ABCC6: variants seen among roughly 807,000 people sequenced by gnomAD.
ABCC6 encodes the protein ATP-binding cassette sub-family C member 6.
ABCC6 carries 126 observed loss-of-function variants against 169.5 expected under a neutral mutation model. That is an observed-to-expected ratio of 0.74 (90% confidence interval 0.64 to 0.86). The LOEUF (loss-of-function observed/expected upper bound fraction) is 0.86, where lower values mean the gene tolerates loss of function less well. Among genes scored for constraint, ABCC6 ranks in the 40% least tolerant of loss-of-function variants. The pLI, the probability that ABCC6 is intolerant of heterozygous loss-of-function variation, is 0.00. For synonymous variants in ABCC6, 752 were observed against 814.7 expected, an observed-to-expected ratio of 0.92 and a Z score of 1.31; for missense variants, 1,733 against 1,927.2, an observed-to-expected ratio of 0.90 and a Z score of 1.89.
Position 16,154,643 on chromosome 16 carries a change from C to T in ABCC6, c.4193G>A (p.Arg1398Gln), listed in dbSNP as rs202080984. ...PGQLQYKCAD[R>Q]GEDLSVGQKQ... ...ACGACCATACCTCAGGTCCTCGCCT[C>T]GGTCAGCACACTTGTACTGCAGCTG... is the stretch of plus-strand genomic sequence containing the variant. Residue 1398 changes from arginine to glutamine, a missense_variant, in exon 29 of 31, where the codon CGA becomes CAA. By Grantham distance (43) the Arg-to-Gln change is conservative (BLOSUM62 1). Around this residue, in one of 5 missense-constraint regions of ABCC6, gnomAD observed 1,601 missense variants for 1,635.5 expected, o/e 0.98. Coordinates refer to ENST00000205557, the MANE Select transcript of ABCC6 (RefSeq NM_001171.6). 364 of 1,612,460 alleles carry T rather than the reference C, an allele frequency of 2.3e-4. 4 individuals carry two copies. The highest frequency in any genetic ancestry group is 2.8e-4 in the Non-Finnish European group (329 of 1,179,998).
rs1465371756 is a variant in ABCC6 at position 16,182,512 on chromosome 16, T to G, written c.2147A>C (p.Glu716Ala). ...SVVENVCFGQ[E>A]LDPPWLERVL... The stretch of plus-strand genomic sequence containing the variant: ...TCTCTCCAGCCAGGGTGGGTCCAGC[T>G]CCTGCCCGAAGCACACATTCTCTAC... The change falls in exon 17 of 31, where the codon GAG becomes GCG. Residue 716 changes from glutamate to alanine, a missense_variant. Coordinates refer to ENST00000205557, the MANE Select transcript of ABCC6 (RefSeq NM_001171.6). 1.2e-6 allele frequency: 2 copies of G among 1,614,062 alleles called. No individual in the cohort carries two copies. The highest frequency in any genetic ancestry group is 1.7e-6 in the Non-Finnish European group (2 of 1,180,044).
intron 29 of ABCC6, among the ~76,000 whole-genome samples, chr16:16,152,336 C>T (rs1467603206): frequency 6.6e-6 from 1 of 151,990 alleles, no homozygotes; most frequent in African/African-American, 2.4e-5. Flanking sequence ...GGAACTGACC[C>T]CTGGGGCCCC....
intron 4 of ABCC6, 127 bp from the exon 5 acceptor site, chr16:16,214,576 C>G: frequency 1.3e-6 from 2 of 1,482,530 alleles, no homozygotes; most frequent in South Asian, 1.3e-5. Flanking sequence ...AAAGCCAGAG[C>G]CCTGGCTTTC....
intron 17 of ABCC6, among the ~76,000 whole-genome samples, chr16:16,181,169 G>A (rs7191029): frequency 1.0e-3 from 152 of 151,890 alleles, no homozygotes; most frequent in African/African-American, 3.5e-3. Flanking sequence ...TTAGCCAGTT[G>A]TGGTGGTACA....
chr16:16,152,591 A>G (rs1377328224), intron 29 of ABCC6, among the ~76,000 whole-genome samples: 1 of 152,052 alleles, frequency 6.6e-6, no homozygotes, highest in Non-Finnish European at 1.5e-5. Flanking sequence ...CACTGTTTCA[A>G]CAACTTTGTG....
chr16:16,162,906 C>G lies in ABCC6; in HGVS notation c.3506+87G>C, dbSNP rs1682484204. ...ACTATGTCCCTGACTCTCTGGGTGA[C>G]CTCTCTACCATACAATATGACCTCA... On this transcript the variant is annotated intron_variant, in intron 24 of 30. Coordinates refer to ENST00000205557, the MANE Select transcript of ABCC6 (RefSeq NM_001171.6). 1.9e-6 allele frequency: 3 copies of G among 1,556,914 alleles called. No homozygotes were observed. In the African/African-American group the frequency reaches 4.1e-5, roughly 21 times the overall value.
intron 9 of ABCC6, among the ~76,000 whole-genome samples, 178 bp downstream of exon 9, chr16:16,201,823 A>G (rs74608684): frequency 5.9e-5 from 9 of 152,282 alleles, no homozygotes; most frequent in South Asian, 2.1e-4. Flanking sequence ...GCAAGACTCC[A>G]TCTCAAAAAA....
At chr16:16,198,244 G>T in intron 9 of ABCC6, 62 bp from the exon 10 acceptor site, 1 of 1,534,892 alleles carries the variant, frequency 6.5e-7, no homozygotes, top group Non-Finnish European at 8.8e-7. Context: ...GATGCCCCAG[G>T]TGGCTTCTCC....
Position 16,169,850 on chromosome 16 carries a change from T to A in ABCC6, c.2791A>T (p.Lys931Ter). Residue 931 changes from lysine to a stop codon, truncating the protein, a stop_gained, in exon 22 of 31, where the codon AAG (lysine) becomes TAG (stop). Transcript: ENST00000205557. LOFTEE classifies it high-confidence loss of function. ...AGGTAGGCCAGGTGCACTGTGGCCT[T>A]CACCTGTAGCACACATGAGGGAGAG... ...GKDSIQYGRVKATVHLAYLRA... is the reference protein window; with the variant it reads ...GKDSIQYGRV 1 of 1,552,724 alleles carries A rather than the reference T, an allele frequency of 6.4e-7. No individual in the cohort carries two copies. Among genetic ancestry groups the A allele is most frequent in the Non-Finnish European group, 8.7e-7 (1 of 1,148,206 alleles).
At chr16:16,194,498 C>T (rs1035856259) in intron 10 of ABCC6, among the ~76,000 whole-genome samples, 1 of 152,166 alleles carries the variant, frequency 6.6e-6, no homozygotes, top group African/African-American at 2.4e-5. Context: ...TTCCCCCTCT[C>T]GGCTTTGGTT....
chr16:16,210,340 TTGGTCAGGC>T (rs373020897), intron 6 of ABCC6, among the ~76,000 whole-genome samples: 5,383 of 152,124 alleles, frequency 0.035, 111 homozygotes, highest in African/African-American at 0.046. Context: ...TTTCACCATG[TTGGTCAGGC>T]TGGTCTCGAA....
intron 19 of ABCC6, among the ~76,000 whole-genome samples, chr16:16,176,513 G>T (rs2047282478): frequency 6.6e-6 from 1 of 152,206 alleles, no homozygotes; most frequent in African/African-American, 2.4e-5. Context: ...CATCATCACA[G>T]CAAAAGCTGA....
intron 17 of ABCC6, among the ~76,000 whole-genome samples, chr16:16,179,650 G>A (rs1452424060): frequency 6.6e-6 from 1 of 152,160 alleles, no homozygotes; most frequent in Non-Finnish European, 1.5e-5. Context: ...GAGTGCAATG[G>A]CATGATCTTG....
At chr16:16,197,246 C>T (rs2048068109) in intron 10 of ABCC6, among the ~76,000 whole-genome samples, 2 of 152,008 alleles carry the variant, frequency 1.3e-5, no homozygotes. Context: ...ACCCTAATAG[C>T]ACATGGGGAA....
intron 10 of ABCC6, among the ~76,000 whole-genome samples, chr16:16,197,022 A>C (rs1365105732): frequency 6.6e-6 from 1 of 152,172 alleles, no homozygotes; most frequent in Non-Finnish European, 1.5e-5. Context: ...AAAAAAGAAA[A>C]TCCTATACCA....
intron 9 of ABCC6, among the ~76,000 whole-genome samples, chr16:16,200,762 G>C (rs1051335996): frequency 4.0e-5 from 6 of 151,566 alleles, no homozygotes; most frequent in African/African-American, 1.5e-4. Context: ...ACTTACATGG[G>C]ACGGGACCTG....
At chr16:16,193,199 C>T (rs1040568950) in intron 10 of ABCC6, among the ~76,000 whole-genome samples, 6 of 152,160 alleles carry the variant, frequency 3.9e-5, no homozygotes, top group Non-Finnish European at 5.9e-5. Context: ...AGTGACCTCC[C>T]GTCATCCTCA....
At chr16:16,190,487 C>T in intron 11 of ABCC6, 120 bp from the exon 12 acceptor site, 1 of 1,110,346 alleles carries the variant, frequency 9.0e-7, no homozygotes, top group Non-Finnish European at 1.3e-6. Flanking sequence ...CCAAACCTGT[C>T]TGCCTCTCAG....
chr16:16,197,720 G>T (rs1274430666), intron 10 of ABCC6, among the ~76,000 whole-genome samples: 1 of 142,078 alleles, frequency 7.0e-6, no homozygotes, highest in African/African-American at 2.7e-5. Context: ...GCAAGAGGAG[G>T]GGGGCAGGAG....
Sources: gnomAD v4.1 joint callset for allele counts (sites outside exome capture counted in the v4.1 genomes callset) on GRCh38, gnomAD v4.1.1 for gene constraint, gnomAD v4.1.1 regional missense constraint, MANE v1.5 for transcripts, NCBI Gene and HGNC (gene_info 2026-07-23, HGNC 2026-07-21) for gene names.